SNX9: variants seen among roughly 807,000 people sequenced by gnomAD.
SNX9 encodes sorting nexin 9.
SNX9 carries 44 observed loss-of-function variants against 89.4 expected under a neutral mutation model. The observed-to-expected ratio is 0.49, with a 90% confidence interval of 0.39 to 0.63. The LOEUF is 0.63. Ranked by LOEUF, SNX9 falls within the 30% of genes least tolerant of loss-of-function variation. SNX9 has a pLI of 0.00. For missense variants in SNX9, 578 were observed against 736.1 expected, an observed-to-expected ratio of 0.79 and a Z score of 2.49; for synonymous variants, 236 against 247.8, an observed-to-expected ratio of 0.95 and a Z score of 0.45.
Position 157,906,206 on chromosome 6 carries a change from C to T in SNX9, c.699C>T (p.Pro233=). The T allele has an allele frequency of 6.2e-7, 1 of 1,602,268 alleles. No homozygotes were observed. The highest frequency in any genetic ancestry group is 8.5e-7 in the Non-Finnish European group (1 of 1,176,592). ...KQLAKPKEKI[P]IIVGDYGPMW... is the part of the protein sequence containing the mutation. ...TAGCAAAACCCAAAGAGAAAATTCC[C>T]ATCATTGTAAGTTTGTTTATTTTTG... is the stretch of plus-strand genomic sequence containing the variant. The change falls in exon 7 of 18, where the codon CCC becomes CCT. Residue 233 remains proline (P), a synonymous_variant. Coordinates refer to ENST00000392185, the MANE Select transcript of SNX9 (RefSeq NM_016224.5).
At position 157,823,329 on chromosome 6, in the gene SNX9, A is replaced by G. The variant is rs1781271744; in HGVS notation, c.-106A>G. The stretch of plus-strand genomic sequence containing the variant: ...AGGAGCGGCCGCCGCGCCGGGGCCC[A>G]GCCGGAGCCGCCGCCCTCGCCCTTG... On this transcript the variant is annotated 5_prime_UTR_variant, in exon 1 of 18. Transcript: ENST00000392185. This position sits in a 1 kb window ranked among gnomAD's most constrained non-coding sequence, Gnocchi z 4.6. The G allele has an allele frequency of 9.6e-7, 1 of 1,045,604 alleles. No homozygotes were observed. Among genetic ancestry groups the G allele is most frequent in the South Asian group, 3.2e-5 (1 of 31,196 alleles). The allele number at this position is 1,045,604 out of a possible 1,614,324, so 64.8% of individuals were successfully genotyped here. A position where few individuals can be genotyped will look rare whatever the true frequency, so the allele number is the denominator to read the frequency against.
chr6:157,911,016 G>A (rs1314886825), intron 9 of SNX9, among the ~76,000 whole-genome samples: 1 of 152,156 alleles, frequency 6.6e-6, no homozygotes, highest in Non-Finnish European at 1.5e-5. Context: ...GGGAGGCTGA[G>A]GCAGGAGAAT....
chr6:157,910,087 C>G, intron 9 of SNX9, 62 bp downstream of exon 9: 1 of 1,326,044 alleles, frequency 7.5e-7, no homozygotes, highest in South Asian at 1.2e-5. Flanking sequence ...AGATTATCTT[C>G]CTGTAAGTCA....
Position 157,823,404 on chromosome 6 carries a change from C to T in SNX9, c.-31C>T, listed in dbSNP as rs928814261. ...ACCATCCGCGGCGCGGGAGACGAGC[C>T]GGCCGTCCCGGGCCGGGGGACCCGC... On this transcript the variant is annotated 5_prime_UTR_variant, in exon 1 of 18. Transcript: ENST00000392185. This position sits in a 1 kb window ranked among gnomAD's most constrained non-coding sequence, Gnocchi z 4.6. The T allele has an allele frequency of 5.0e-5, 63 of 1,269,318 alleles. No homozygotes were observed. Among genetic ancestry groups the T allele is most frequent in the Non-Finnish European group, 6.2e-5 (62 of 1,001,054 alleles). The allele number at this position is 1,269,318 out of a possible 1,614,324, so 78.6% of individuals were successfully genotyped here. A position where few individuals can be genotyped will look rare whatever the true frequency, so the allele number is the denominator to read the frequency against.
At chr6:157,913,635 C>T (rs548098213) in intron 9 of SNX9, among the ~76,000 whole-genome samples, 2 of 152,328 alleles carry the variant, frequency 1.3e-5, no homozygotes, top group Non-Finnish European at 1.5e-5. Context: ...TCCGTCACCT[C>T]CCCAGGTTCC....
rs186186841 is a variant in SNX9, at chr6:157,823,248, G to C, written c.-187G>C. 4.4e-4 allele frequency: 131 copies of C among 296,444 alleles called. 2 individuals carry two copies. In the East Asian group the frequency reaches 8.7e-3, roughly 20 times the overall value. The allele number at this position is 296,444 out of a possible 1,614,324, so 18.4% of individuals were successfully genotyped here. A position where few individuals can be genotyped will look rare whatever the true frequency, so the allele number is the denominator to read the frequency against. On this transcript the variant is annotated 5_prime_UTR_variant, in exon 1 of 18. Transcript: ENST00000392185. This position sits in a 1 kb window ranked among gnomAD's most constrained non-coding sequence, Gnocchi z 4.6. ...GGAACTGCAGGAGCGTGCGGCGCGG[G>C]AGTAGCCGAGCGCCCAGCGGCTGGG...
intron 1 of SNX9, among the ~76,000 whole-genome samples, chr6:157,859,946 G>A (rs913602706): frequency 1.3e-5 from 2 of 152,024 alleles, no homozygotes; most frequent in Non-Finnish European, 2.9e-5. Context: ...GCAAATTTTG[G>A]CCCATGAACA....
chr6:157,931,818 T>C (rs1203165052), intron 12 of SNX9, among the ~76,000 whole-genome samples: 3 of 152,230 alleles, frequency 2.0e-5, no homozygotes, highest in Non-Finnish European at 4.4e-5. Context: ...CTTATTTTCC[T>C]AATCCTCAGC....
At chr6:157,824,965 C>CG (rs1430027670) in intron 1 of SNX9, among the ~76,000 whole-genome samples, 1 of 152,140 alleles carries the variant, frequency 6.6e-6, no homozygotes. Flanking sequence ...GTTTATAGGC[C>CG]GGGCGCGGTG....
intron 1 of SNX9, among the ~76,000 whole-genome samples, chr6:157,844,038 C>T (rs117413572): frequency 0.05 from 7,667 of 151,872 alleles, 224 homozygotes; most frequent in East Asian, 0.11. Flanking sequence ...CCTCACCTGC[C>T]TAATTTTTGT....
At chr6:157,857,601 A>G (rs1194570805) in intron 1 of SNX9, among the ~76,000 whole-genome samples, 3 of 150,288 alleles carry the variant, frequency 2.0e-5, no homozygotes, top group East Asian at 3.9e-4. Context: ...CTACGTTTCT[A>G]TATGTCTTTG....
rs1018349422 is a variant in SNX9, at chr6:157,875,118, A to G, written c.242A>G (p.Asp81Gly). ...TCAGTGGCTGACCAAGCCTTCCTTG[A>G]TTCTCTCTCAGCCAGCACAGCTCAG... is the stretch of plus-strand genomic sequence containing the variant. ...GNSVADQAFL[D>G]SLSASTAQAS... The change falls in exon 4 of 18, where the codon GAT becomes GGT. Residue 81 changes from aspartate to glycine, a missense_variant. Coordinates refer to ENST00000392185, the MANE Select transcript of SNX9 (RefSeq NM_016224.5). 1 of 1,613,944 alleles carries G rather than the reference A, an allele frequency of 6.2e-7. No individual in the cohort carries two copies. Among genetic ancestry groups the G allele is most frequent in the Admixed American group, 1.7e-5 (1 of 59,996 alleles).
intron 9 of SNX9, among the ~76,000 whole-genome samples, chr6:157,913,010 A>G (rs576604020): frequency 6.6e-6 from 1 of 152,380 alleles, no homozygotes; most frequent in South Asian, 2.1e-4. Flanking sequence ...GAATAAAATA[A>G]GGATCACTAA....
chr6:157,882,837 A>C (rs1015588741), intron 4 of SNX9, among the ~76,000 whole-genome samples: 1 of 152,254 alleles, frequency 6.6e-6, no homozygotes, highest in Non-Finnish European at 1.5e-5. Context: ...ATTCGTGGTG[A>C]GGATGCTATG....
At chr6:157,929,351 G>C (rs1475951390) in intron 12 of SNX9, among the ~76,000 whole-genome samples, 1 of 152,322 alleles carries the variant, frequency 6.6e-6, no homozygotes, top group African/African-American at 2.4e-5. Context: ...CTAATGCCAC[G>C]GGCTGCTGCC....
chr6:157,863,884 A>G (rs1420142920), intron 1 of SNX9, among the ~76,000 whole-genome samples: 2 of 152,224 alleles, frequency 1.3e-5, no homozygotes, highest in African/African-American at 4.8e-5. Flanking sequence ...TGTTATACTT[A>G]TTTGGAGATA....
Position 157,834,149 on chromosome 6 carries a change from G to GTTTTTT in SNX9, c.12+10703_12+10704insTTTTTT, listed in dbSNP as rs1491214417. ...GATCCTGCCATGTGGTGTCCACTGTGGTTTTTTTTTTTTTTTTTTTTTTTT... is the reference window on the plus strand; with the variant it reads ...GATCCTGCCATGTGGTGTCCACTGTGTTTTTTGTTTTTTTTTTTTTTTTTTTTTTTT... On this transcript the variant is annotated intron_variant, in intron 1 of 17. Coordinates refer to ENST00000392185, the MANE Select transcript of SNX9 (RefSeq NM_016224.5). 2.4e-3 allele frequency among the ~76,000 whole-genome samples: 144 copies of GTTTTTT among 60,000 alleles called. 5 individuals carry two copies. The highest frequency in any genetic ancestry group is 3.7e-3 in the African/African-American group (56 of 15,064). The allele number at this position is 60,000 out of a possible 152,430, so 39.4% of individuals were successfully genotyped here.
intron 10 of SNX9, among the ~76,000 whole-genome samples, chr6:157,923,330 C>T (rs938371442): frequency 6.6e-6 from 1 of 151,768 alleles, no homozygotes; most frequent in Non-Finnish European, 1.5e-5. Flanking sequence ...CAGAAACCCC[C>T]AAAGAATCTG....
At chr6:157,937,590 A>G (rs140399713) in intron 15 of SNX9, 67 bp downstream of exon 15, 1,111 of 1,052,662 alleles carry the variant, frequency 1.1e-3, no homozygotes, top group Non-Finnish European at 1.4e-3. Flanking sequence ...CGCAGTAGTC[A>G]GTATTGGTTT....
Sources: gnomAD v4.1 joint callset for allele counts (sites outside exome capture counted in the v4.1 genomes callset) on GRCh38, gnomAD v4.1.1 for gene constraint, Gnocchi (gnomAD v3.1) non-coding constraint, MANE v1.5 for transcripts, NCBI Gene and HGNC (gene_info 2026-07-23, HGNC 2026-07-21) for gene names.